The following ASTN2 variants were observed in gnomAD, a reference collection of about 807,000 sequenced individuals.
ASTN2 encodes astrotactin 2, also known as astrotactin-2.
A neutral mutation model predicts 139.8 loss-of-function variants in ASTN2; 54 were observed. That is an observed-to-expected ratio of 0.39 (90% confidence interval 0.31 to 0.48). The LOEUF (loss-of-function observed/expected upper bound fraction) is 0.48. Among genes scored for constraint, ASTN2 ranks in the 20% least tolerant of loss-of-function variants. The pLI is 0.95. For missense variants in ASTN2, 1,565 were observed against 1,725.1 expected, an observed-to-expected ratio of 0.91 and a Z score of 1.64; for synonymous variants, 756 against 719.5, an observed-to-expected ratio of 1.05 and a Z score of -0.81.
At chr9:117,039,723 G>C (rs1452380724) in intron 6 of ASTN2, 96 bp downstream of exon 6, 1 of 1,328,700 alleles carries the variant, frequency 7.5e-7, no homozygotes, top group Non-Finnish European at 9.9e-7. Context: ...ATATGTAATA[G>C]TAATTCTAAG....
chr9:116,761,931 G>T lies in ASTN2; in HGVS notation c.2397-28408C>A, dbSNP rs140885147. On this transcript the variant is annotated intron_variant, in intron 13 of 22. Coordinates refer to ENST00000313400, the MANE Select transcript of ASTN2 (RefSeq NM_001365068.1). ...CTGTCCCTTATGCAATATTCAGAAA[G>T]AATTGGAGAGAACACTCTGTGGGTG... Among the ~76,000 whole-genome samples the T allele has an allele frequency of 1.9e-4, 29 of 152,310 alleles. No individual in the cohort carries two copies. In the East Asian group the frequency reaches 4.8e-3, roughly 25 times the overall value.
intron 1 of ASTN2, among the ~76,000 whole-genome samples, chr9:117,376,607 G>A (rs1830130521): frequency 1.3e-5 from 2 of 152,166 alleles, no homozygotes; most frequent in African/African-American, 4.8e-5. Context: ...GGCAAAGCAG[G>A]ATTTGTGGGA....
At chr9:116,767,667 C>T (rs1218994605) in intron 13 of ASTN2, among the ~76,000 whole-genome samples, 2 of 152,168 alleles carry the variant, frequency 1.3e-5, no homozygotes, top group Non-Finnish European at 2.9e-5. Context: ...CTTCTGTCCT[C>T]CACACATCAC....
chr9:117,322,418 T>C (rs190288998), intron 1 of ASTN2, among the ~76,000 whole-genome samples: 1 of 152,326 alleles, frequency 6.6e-6, no homozygotes, highest in African/African-American at 2.4e-5. Flanking sequence ...GGTATGTCTT[T>C]ATGTTAATGT....
intron 19 of ASTN2, among the ~76,000 whole-genome samples, chr9:116,597,085 T>C (rs1378367550): frequency 8.3e-6 from 1 of 119,830 alleles, no homozygotes; most frequent in Non-Finnish European, 1.9e-5. Context: ...CAAGGATGGT[T>C]ATATTTTTAA....
chr9:116,720,426 T>C (rs1342813780), intron 16 of ASTN2, among the ~76,000 whole-genome samples: 2 of 152,196 alleles, frequency 1.3e-5, no homozygotes, highest in Non-Finnish European at 2.9e-5. Context: ...GCAGTACACT[T>C]GGAAAAGACA....
intron 13 of ASTN2, among the ~76,000 whole-genome samples, chr9:116,733,863 T>C (rs568682656): frequency 6.6e-6 from 1 of 152,290 alleles, no homozygotes; most frequent in African/African-American, 2.4e-5. Flanking sequence ...CTACCAATTA[T>C]TTAAGATACT....
At chr9:116,497,984 C>T (rs1239652267) in intron 19 of ASTN2, among the ~76,000 whole-genome samples, 1 of 152,190 alleles carries the variant, frequency 6.6e-6, no homozygotes, top group African/African-American at 2.4e-5. Context: ...CAACATCTCC[C>T]TCTCTGTACA....
intron 13 of ASTN2, among the ~76,000 whole-genome samples, chr9:116,787,949 C>G (rs1830421069): frequency 6.6e-6 from 1 of 152,184 alleles, no homozygotes; most frequent in South Asian, 2.1e-4. Context: ...TGGAAACTCT[C>G]TGTACTATCT....
intron 16 of ASTN2, among the ~76,000 whole-genome samples, chr9:116,703,411 T>G (rs1317154105): frequency 6.6e-6 from 1 of 151,980 alleles, no homozygotes; most frequent in African/African-American, 2.4e-5. Context: ...TGCGAAAATT[T>G]TCTCCCATGT....
At chr9:117,094,759 C>T (rs946831293) in intron 5 of ASTN2, among the ~76,000 whole-genome samples, 1 of 152,204 alleles carries the variant, frequency 6.6e-6, no homozygotes, top group African/African-American at 2.4e-5. Flanking sequence ...GAGAACTGAA[C>T]TGACATTAAT....
rs1000775632 is a variant in ASTN2 at position 116,698,883 on chromosome 9, A to C, written c.2806+26888T>G. The stretch of plus-strand genomic sequence containing the variant: ...TCTTCCAGTCAGTCTCTACGTGACC[A>C]GTCAAGGTGAAGTACTAGTCGCTGA... On this transcript the variant is annotated intron_variant, in intron 16 of 22. Coordinates refer to ENST00000313400, the MANE Select transcript of ASTN2 (RefSeq NM_001365068.1). The surrounding 1 kb of genome is among the most constrained non-coding windows in gnomAD (Gnocchi z 4.4). 1 of 1,614,128 alleles carries C rather than the reference A, an allele frequency of 6.2e-7. No homozygotes were observed. The highest frequency in any genetic ancestry group is 1.3e-5 in the African/African-American group (1 of 74,950).
chr9:116,495,004 G>A (rs1045210112), intron 19 of ASTN2, among the ~76,000 whole-genome samples: 5 of 152,106 alleles, frequency 3.3e-5, no homozygotes, highest in African/African-American at 9.7e-5. Flanking sequence ...CTATTTACTC[G>A]ACATCAGCAC....
Position 116,953,066 on chromosome 9 carries a change from G to A in ASTN2, c.1889+22142C>T, listed in dbSNP as rs143482466. ...AGGAGACTCCCAGTTCTCCATCTCC[G>A]ACCCAATAGATCTGCAAATGTCTGC... On this transcript the variant is annotated intron_variant, in intron 10 of 22. Coordinates refer to ENST00000313400, the MANE Select transcript of ASTN2 (RefSeq NM_001365068.1). Among the ~76,000 whole-genome samples the A allele has an allele frequency of 3.4e-3, 525 of 152,192 alleles. 3 individuals carry two copies. The highest frequency in any genetic ancestry group is 5.6e-3 in the Non-Finnish European group (382 of 68,014).
chr9:116,605,230 G>A (rs1476757519), intron 19 of ASTN2, among the ~76,000 whole-genome samples: 1 of 152,106 alleles, frequency 6.6e-6, no homozygotes, highest in Middle Eastern at 3.2e-3. Flanking sequence ...GGCCCAGTAG[G>A]CTCCCAGATG....
chr9:117,168,163 G>A (rs1564458652), intron 3 of ASTN2, among the ~76,000 whole-genome samples: 1 of 152,092 alleles, frequency 6.6e-6, no homozygotes, highest in Non-Finnish European at 1.5e-5. Flanking sequence ...AAGCTGGTGG[G>A]AGGAGCTAAA....
At chr9:117,037,413 G>C (rs9697211) in intron 6 of ASTN2, among the ~76,000 whole-genome samples, 22,343 of 152,104 alleles carry the variant, frequency 0.15, 1,970 homozygotes, top group African/African-American at 0.25. Flanking sequence ...AAAAAAGTAG[G>C]TGTTGTAGTC....
At chr9:116,988,536 A>T (rs555359644) in intron 7 of ASTN2, among the ~76,000 whole-genome samples, 1 of 152,284 alleles carries the variant, frequency 6.6e-6, no homozygotes, top group East Asian at 1.9e-4. Context: ...CACCCTGTGA[A>T]GCGGGTGCTC....
chr9:116,887,606 A>G (rs1833647471), intron 10 of ASTN2, among the ~76,000 whole-genome samples: 1 of 152,150 alleles, frequency 6.6e-6, no homozygotes, highest in African/African-American at 2.4e-5. Context: ...AGAGATACAC[A>G]ATGCACAAGT....
Sources: gnomAD v4.1 joint callset for allele counts (sites outside exome capture counted in the v4.1 genomes callset) on GRCh38, gnomAD v4.1.1 for gene constraint, Gnocchi (gnomAD v3.1) non-coding constraint, MANE v1.5 for transcripts, NCBI Gene and HGNC (gene_info 2026-07-23, HGNC 2026-07-21) for gene names.